The following BAZ1B variants were observed in gnomAD, a reference collection of about 807,000 sequenced individuals.
BAZ1B encodes the protein tyrosine-protein kinase BAZ1B.
A neutral mutation model predicts 153.8 loss-of-function variants in BAZ1B; 22 were observed. That is an observed-to-expected ratio of 0.14 (90% confidence interval 0.10 to 0.20). The LOEUF (loss-of-function observed/expected upper bound fraction) is 0.20. Ranked by LOEUF, BAZ1B falls within the 10% of genes least tolerant of loss-of-function variation. The pLI, the probability that BAZ1B is intolerant of heterozygous loss-of-function variation, is 1.00. For synonymous variants in BAZ1B, 676 were observed against 633.4 expected (o/e 1.07, Z -1.01); for missense variants, 1,325 against 1,799.3 (o/e 0.74, Z 4.77).
At position 73,477,775 on chromosome 7, in the gene BAZ1B, G is replaced by A; in HGVS notation, c.1686C>T (p.Ala562=). 3 of 1,614,086 alleles carry A rather than the reference G, an allele frequency of 1.9e-6. No individual in the cohort carries two copies. Among genetic ancestry groups the A allele is most frequent in the Non-Finnish European group, 1.7e-6 (2 of 1,180,018 alleles). ...GCATTTCTTTCTCTCTTCGTTCTTT[G>A]GCTTTTTCCTTCAACTTCTTTTTCA... is the stretch of plus-strand genomic sequence containing the variant. The part of the protein sequence containing the change: ...EELKKKLKEK[A]KERREKEMLE... The change falls in exon 7 of 20, where the codon GCC becomes GCT. Residue 562 remains alanine, a synonymous_variant. Coordinates refer to ENST00000339594, the MANE Select transcript of BAZ1B (RefSeq NM_032408.4). This position sits in a 1 kb window ranked among gnomAD's most constrained non-coding sequence, Gnocchi z 5.6.
chr7:73,459,500 C>A lies in BAZ1B; in HGVS notation c.3432+36G>T, dbSNP rs781880085. ...TTTTAAAACCAAATCAACTCATCTA[C>A]GGAATCATAAACTACAACTTATAAC... On this transcript the variant is annotated intron_variant, in intron 13 of 19. Coordinates refer to ENST00000339594, the MANE Select transcript of BAZ1B (RefSeq NM_032408.4). 13 of 1,593,776 alleles carry A rather than the reference C, an allele frequency of 8.2e-6. 1 individual carries two copies. The South Asian group carries it at 1.5e-4, about 18-fold the overall frequency.
chr7:73,477,225 G>A lies in BAZ1B; in HGVS notation c.2236C>T (p.Leu746=). The stretch of plus-strand genomic sequence containing the variant: ...TGGCACAGTGCTGTCAAGATCTGTA[G>A]CTTCTCCTCTGACGTCAGCTCAAAA... ...EFFELTSEEK[L]QILTALCHRI... is the part of the protein sequence containing the mutation. The change falls in exon 7 of 20, where the codon CTA becomes TTA. Residue 746 remains leucine (L), a synonymous_variant. Coordinates refer to ENST00000339594, the MANE Select transcript of BAZ1B (RefSeq NM_032408.4). This position sits in a 1 kb window ranked among gnomAD's most constrained non-coding sequence, Gnocchi z 5.6. 2 of 1,614,200 alleles carry A rather than the reference G, an allele frequency of 1.2e-6. No individual in the cohort carries two copies. Among genetic ancestry groups the A allele is most frequent in the Non-Finnish European group, 1.7e-6 (2 of 1,180,042 alleles).
At chr7:73,516,275 TG>T (rs1790795045) in intron 1 of BAZ1B, among the ~76,000 whole-genome samples, 1 of 152,188 alleles carries the variant, frequency 6.6e-6, no homozygotes. Flanking sequence ...TTTGGCCTCC[TG>T]AGTAGCTGGG....
intron 7 of BAZ1B, 80 bp from the exon 8 acceptor site, chr7:73,470,563 A>C: frequency 6.6e-7 from 1 of 1,521,846 alleles, no homozygotes; most frequent in African/African-American, 1.4e-5. Context: ...TATGGAGTAA[A>C]AAGTGCCTAG....
Position 73,493,044 on chromosome 7 carries a change from G to C in BAZ1B, c.572-123C>G, listed in dbSNP as rs1554575773. On this transcript the variant is annotated intron_variant, in intron 4 of 19. Transcript: ENST00000339594. ...GCACTGGGTGATGCAGTACAAAAATGAATCATAATGTCCTTAACTTCAAGG... is the reference window on the plus strand; with the variant it reads ...GCACTGGGTGATGCAGTACAAAAATCAATCATAATGTCCTTAACTTCAAGG... The C allele has an allele frequency of 3.0e-6, 3 of 1,006,642 alleles. No homozygotes were observed. The Admixed American group carries it at 9.7e-5, about 32-fold the overall frequency. The allele number at this position is 1,006,642 out of a possible 1,614,324, so 62.4% of individuals were successfully genotyped here. A position where few individuals can be genotyped will look rare whatever the true frequency, so the allele number is the denominator to read the frequency against.
chr7:73,464,219 GCA>G (rs1788495508), intron 11 of BAZ1B: 8 of 945,898 alleles, frequency 8.5e-6, no homozygotes, highest in South Asian at 9.8e-5. Flanking sequence ...GTGAAATTGA[GCA>G]CAGAGTCAGC....
At position 73,477,144 on chromosome 7, in the gene BAZ1B, A is replaced by T; in HGVS notation, c.2317T>A (p.Ser773Thr). Reference protein sequence around the residue: ...QDHMETRQQMSAELWKERLAV... With the variant: ...QDHMETRQQMTAELWKERLAV... Reference sequence around the variant, plus strand: ...AGCCGTTCCTTCCACAACTCTGCAGACATCTGCTGTCTGGTCTCCATGTGG... The same window carrying T: ...AGCCGTTCCTTCCACAACTCTGCAGTCATCTGCTGTCTGGTCTCCATGTGG... The change falls in exon 7 of 20, where the codon TCT (serine) becomes ACT (threonine). Residue 773 changes from serine (S) to threonine (T), a missense_variant. Physicochemically the swap from Ser to Thr is moderately conservative, Grantham distance 58. Transcript: ENST00000339594. This position sits in a 1 kb window ranked among gnomAD's most constrained non-coding sequence, Gnocchi z 5.6. 6.2e-7 allele frequency: 1 copy of T among 1,614,154 alleles called. No individual in the cohort carries two copies. Among genetic ancestry groups the T allele is most frequent in the Non-Finnish European group, 8.5e-7 (1 of 1,180,032 alleles).
At chr7:73,480,335 T>C (rs1345920385) in intron 6 of BAZ1B, among the ~76,000 whole-genome samples, 5 of 151,986 alleles carry the variant, frequency 3.3e-5, no homozygotes, top group African/African-American at 9.7e-5. Flanking sequence ...TCATATACAA[T>C]CAGTTAACAG....
intron 13 of BAZ1B, among the ~76,000 whole-genome samples, chr7:73,453,770 AGC>A (rs1448877833): frequency 6.6e-6 from 1 of 152,194 alleles, no homozygotes; most frequent in African/African-American, 2.4e-5. Context: ...GGATCACTTG[AGC>A]CCAGGAGTTC....
chr7:73,462,742 A>C (rs1788436909), intron 12 of BAZ1B, 180 bp downstream of exon 12: 1 of 658,314 alleles, frequency 1.5e-6, no homozygotes, highest in Non-Finnish European at 2.6e-6. Flanking sequence ...TAGCAGCAAA[A>C]GATAACAAGG....
intron 2 of BAZ1B, 56 bp from the exon 3 acceptor site, chr7:73,508,527 A>G: frequency 6.8e-7 from 1 of 1,478,884 alleles, no homozygotes; most frequent in South Asian, 1.3e-5. Flanking sequence ...CCAGAGATTT[A>G]ATTCAAGTCA....
intron 7 of BAZ1B, among the ~76,000 whole-genome samples, chr7:73,474,904 T>C (rs1339816787): frequency 2.0e-5 from 3 of 152,192 alleles, no homozygotes; most frequent in Admixed American, 6.5e-5. Context: ...GATAACTCAA[T>C]TTAATAATGG....
intron 2 of BAZ1B, among the ~76,000 whole-genome samples, chr7:73,510,030 G>A (rs548568508): frequency 1.3e-5 from 2 of 151,978 alleles, no homozygotes; most frequent in Admixed American, 1.3e-4. Context: ...AGGAGGCTGA[G>A]GCACGAGAAT....
Position 73,522,211 on chromosome 7 carries a change from T to G in BAZ1B, c.-278A>C, listed in dbSNP as rs910268013. 5.4e-5 allele frequency: 21 copies of G among 389,512 alleles called. No homozygotes were observed. Among genetic ancestry groups the G allele is most frequent in the Middle Eastern group, 6.4e-4 (1 of 1,566 alleles). 24.1% of individuals were successfully genotyped at this position (389,512 alleles called of 1,614,324 possible). Reference sequence around the variant, plus strand: ...GGTCCCGGCGGCCGGCAGTCACGACTCCTCCTCAGCAGCACCGGAGGAAAT... The same window carrying G: ...GGTCCCGGCGGCCGGCAGTCACGACGCCTCCTCAGCAGCACCGGAGGAAAT... On this transcript the variant is annotated 5_prime_UTR_variant, in exon 1 of 20. Transcript: ENST00000339594.
chr7:73,463,223 G>C, intron 11 of BAZ1B, 124 bp from the exon 12 acceptor site: 1 of 884,788 alleles, frequency 1.1e-6, no homozygotes, highest in South Asian at 1.8e-5. Context: ...CCTCTCCCTG[G>C]TGTTTTTTCT....
At chr7:73,463,545 A>C (rs1373918101) in intron 11 of BAZ1B, among the ~76,000 whole-genome samples, 1 of 151,972 alleles carries the variant, frequency 6.6e-6, no homozygotes, top group Non-Finnish European at 1.5e-5. Flanking sequence ...ACACCCAGCC[A>C]CTTCTAAGCT....
At chr7:73,489,464 C>A in intron 5 of BAZ1B, 73 bp from the exon 6 acceptor site, 1 of 1,485,930 alleles carries the variant, frequency 6.7e-7, no homozygotes, top group Non-Finnish European at 9.3e-7. Flanking sequence ...AAGCAATATA[C>A]GTTCTCTCCA....
In BAZ1B at chr7:73,466,390, T is replaced by C. The variant is rs1554571167; in HGVS notation, c.2878A>G (p.Asn960Asp). ...EDYCPRSKKA[N>D]LGKNASMNTQ... ...TTCATGCTTGCATTTTTACCTAAGT[T>C]TGCTTTCTTACCTAAGAAAAATTGA... Residue 960 changes from asparagine to aspartate, a missense_variant, in exon 10 of 20, where the codon AAC becomes GAC. By Grantham distance (23) the Asn-to-Asp change is conservative. Coordinates refer to ENST00000339594, the MANE Select transcript of BAZ1B (RefSeq NM_032408.4). 1 of 1,613,580 alleles carries C rather than the reference T, an allele frequency of 6.2e-7. No homozygotes were observed. Among genetic ancestry groups the C allele is most frequent in the South Asian group, 1.1e-5 (1 of 91,054 alleles).
intron 1 of BAZ1B, among the ~76,000 whole-genome samples, chr7:73,520,056 A>G (rs1409802772): frequency 2.6e-5 from 4 of 152,006 alleles, no homozygotes; most frequent in Non-Finnish European, 5.9e-5. Flanking sequence ...AAAAACACAA[A>G]AAGTTAGCCG....
Sources: allele counts gnomAD v4.1 joint callset (sites outside exome capture counted in the v4.1 genomes callset), GRCh38; gene constraint gnomAD v4.1.1; non-coding constraint Gnocchi (gnomAD v3.1); transcripts MANE v1.5; gene names NCBI Gene and HGNC (gene_info 2026-07-23, HGNC 2026-07-21).